Variants in MICU1 observed in about 807,000 individuals in gnomAD.
MICU1 encodes the protein calcium uptake protein 1, mitochondrial.
In MICU1, 45 loss-of-function variants were observed where a neutral mutation model predicts 56.8. The observed-to-expected ratio is 0.79, with a 90% CI of 0.62 to 1.02. MICU1 has a LOEUF of 1.02. Among genes scored for constraint, MICU1 ranks in the 50% least tolerant of loss-of-function variants. The pLI is 0.00. For synonymous variants in MICU1, 186 were observed against 195.1 expected (o/e 0.95, Z 0.39); for missense variants, 504 against 587.1 (o/e 0.86, Z 1.46).
chr10:72,621,031 T>A (rs1589398034), intron 1 of MICU1, among the ~76,000 whole-genome samples: 1 of 152,102 alleles, frequency 6.6e-6, no homozygotes, highest in Non-Finnish European at 1.5e-5. Context: ...GAGACCACCC[T>A]GGGCAACATA....
chr10:72,454,876 TAGG>T (rs1277727445), intron 8 of MICU1, among the ~76,000 whole-genome samples: 20 of 152,000 alleles, frequency 1.3e-4, no homozygotes, highest in Non-Finnish European at 8.8e-5. Flanking sequence ...TGAGAAATGC[TAGG>T]AGTTTTGGGA....
chr10:72,486,438 G>C (rs967156488), intron 6 of MICU1, among the ~76,000 whole-genome samples: 1 of 152,118 alleles, frequency 6.6e-6, no homozygotes. Context: ...ACCATGGAGA[G>C]TTTATAAATA....
At chr10:72,438,278 C>CA (rs1393215455) in intron 8 of MICU1, among the ~76,000 whole-genome samples, 1 of 152,236 alleles carries the variant, frequency 6.6e-6, no homozygotes, top group Non-Finnish European at 1.5e-5. Flanking sequence ...GGAAACTGAA[C>CA]AACTTGCTCC....
intron 8 of MICU1, among the ~76,000 whole-genome samples, chr10:72,441,042 A>G (rs1304429891): frequency 6.6e-6 from 1 of 152,160 alleles, no homozygotes; most frequent in Non-Finnish European, 1.5e-5. Flanking sequence ...CAGCAATCCC[A>G]TTACTGGGTA....
chr10:72,610,470 G>A (rs2132565621), intron 1 of MICU1, among the ~76,000 whole-genome samples: 1 of 152,146 alleles, frequency 6.6e-6, no homozygotes, highest in South Asian at 2.1e-4. Context: ...AAAGACACAA[G>A]CAGAGTTAAC....
In MICU1 at chr10:72,616,651, G is replaced by GA. The variant is rs201165276; in HGVS notation, c.-2+9358dup. 7.0e-3 allele frequency among the ~76,000 whole-genome samples: 980 copies of GA among 140,092 alleles called. 6 individuals are homozygous for GA. Among genetic ancestry groups the GA allele is most frequent in the African/African-American group, 0.02 (775 of 38,450 alleles). The allele number at this position is 140,092 out of a possible 152,430, so 91.9% of individuals were successfully genotyped here. A position where few individuals can be genotyped will look rare whatever the true frequency, so the allele number is the denominator to read the frequency against. On this transcript the variant is annotated intron_variant, in intron 1 of 11. Transcript: ENST00000361114. Reference sequence around the variant, plus strand: ...AGATGGTTTCCACTCTGGTTGGTGGGAAAAAAAAAAAAAAAACACACTATT... The same window carrying GA: ...AGATGGTTTCCACTCTGGTTGGTGGGAAAAAAAAAAAAAAAAACACACTATT...
At chr10:72,462,001 C>T (rs1865652723) in intron 8 of MICU1, among the ~76,000 whole-genome samples, 2 of 152,204 alleles carry the variant, frequency 1.3e-5, no homozygotes, top group South Asian at 4.2e-4. Context: ...TGCCTGGAAT[C>T]AAATCTCAGC....
intron 8 of MICU1, among the ~76,000 whole-genome samples, chr10:72,443,162 T>C (rs1222626751): frequency 1.3e-5 from 2 of 152,222 alleles, no homozygotes. Context: ...GCTGCATAAA[T>C]GTCTTCTTTT....
intron 6 of MICU1, among the ~76,000 whole-genome samples, chr10:72,488,509 ATAT>A (rs1189534548): frequency 1.3e-5 from 2 of 152,186 alleles, no homozygotes; most frequent in African/African-American, 4.8e-5. Flanking sequence ...AAAGAGAAAA[ATAT>A]TATATTATCA....
chr10:72,555,418 A>T (rs1305802470), intron 3 of MICU1, among the ~76,000 whole-genome samples: 3 of 152,116 alleles, frequency 2.0e-5, no homozygotes, highest in East Asian at 1.9e-4. Context: ...AAAAATGTTA[A>T]TTTTTTCTGT....
chr10:72,418,161 A>G (rs773816050), intron 9 of MICU1, among the ~76,000 whole-genome samples: 6 of 152,286 alleles, frequency 3.9e-5, no homozygotes, highest in African/African-American at 7.2e-5. Flanking sequence ...GTTCCCTCCC[A>G]GGACATATGG....
chr10:72,548,656 T>G (rs116927545), intron 4 of MICU1, among the ~76,000 whole-genome samples: 57 of 152,332 alleles, frequency 3.7e-4, no homozygotes, highest in Non-Finnish European at 7.2e-4. Flanking sequence ...ATTTTCTACT[T>G]TTCATGTTTG....
chr10:72,441,680 G>GA (rs1864939979), intron 8 of MICU1, among the ~76,000 whole-genome samples: 2 of 132,686 alleles, frequency 1.5e-5, no homozygotes, highest in Admixed American at 1.7e-4. Context: ...GCAGTGGTAC[G>GA]ATCTAGGCTC....
chr10:72,542,605 A>G (rs1363385233), intron 4 of MICU1, among the ~76,000 whole-genome samples: 1 of 152,198 alleles, frequency 6.6e-6, no homozygotes, highest in African/African-American at 2.4e-5. Flanking sequence ...GGGTGCCTGC[A>G]ATTCCTGAAG....
chr10:72,494,359 A>G (rs1158177704), intron 6 of MICU1, among the ~76,000 whole-genome samples: 1 of 152,208 alleles, frequency 6.6e-6, no homozygotes, highest in Non-Finnish European at 1.5e-5. Context: ...TTCTAGGGAC[A>G]ATCTAGTCAG....
At chr10:72,557,779 T>C (rs1342750009) in intron 3 of MICU1, among the ~76,000 whole-genome samples, 2 of 152,214 alleles carry the variant, frequency 1.3e-5, no homozygotes, top group Admixed American at 6.5e-5. Flanking sequence ...CATATAAATA[T>C]ATACTATGGC....
At chr10:72,416,858 T>A (rs1237765912) in intron 9 of MICU1, among the ~76,000 whole-genome samples, 1 of 152,200 alleles carries the variant, frequency 6.6e-6, no homozygotes, top group Non-Finnish European at 1.5e-5. Context: ...TTGCACTTGA[T>A]AAGCATTTAC....
intron 6 of MICU1, among the ~76,000 whole-genome samples, chr10:72,493,527 A>G (rs938478483): frequency 1.3e-5 from 2 of 152,160 alleles, no homozygotes; most frequent in African/African-American, 4.8e-5. Flanking sequence ...ATCACAGCTT[A>G]TCAAAGCCTT....
intron 10 of MICU1, among the ~76,000 whole-genome samples, chr10:72,380,697 G>GA (rs1199514561): frequency 6.6e-6 from 1 of 152,224 alleles, no homozygotes; most frequent in African/African-American, 2.4e-5. Context: ...CACAATGCTA[G>GA]ATGGTAACAG....
Sources: gnomAD v4.1 joint callset for allele counts (sites outside exome capture counted in the v4.1 genomes callset) on GRCh38, gnomAD v4.1.1 for gene constraint, MANE v1.5 for transcripts, NCBI Gene and HGNC (gene_info 2026-07-23, HGNC 2026-07-21) for gene names.